The following TSPAN18 variants were observed in gnomAD, a reference collection of about 807,000 sequenced individuals.
The protein encoded by TSPAN18 is tetraspanin-18.
TSPAN18 carries 14 observed loss-of-function variants against 27.3 expected under a neutral mutation model. That is an observed-to-expected ratio of 0.51 (90% CI 0.34 to 0.80). TSPAN18 has a LOEUF of 0.80. Ranked by LOEUF, TSPAN18 falls within the 30% of genes least tolerant of loss-of-function variation. TSPAN18 has a pLI of 0.01. For synonymous variants in TSPAN18, 143 were observed against 136.5 expected, an observed-to-expected ratio of 1.05 and a Z score of -0.33; for missense variants, 268 against 323.9, an observed-to-expected ratio of 0.83 and a Z score of 1.32.
At chr11:44,889,082 G>T (rs1373073856) in intron 3 of TSPAN18, among the ~76,000 whole-genome samples, 2 of 152,212 alleles carry the variant, frequency 1.3e-5, no homozygotes, top group Admixed American at 6.5e-5. Flanking sequence ...ATTGTAAGTT[G>T]CCTGAGGCCT....
At chr11:44,856,717 C>G (rs1484522886) in intron 2 of TSPAN18, among the ~76,000 whole-genome samples, 2 of 152,170 alleles carry the variant, frequency 1.3e-5, no homozygotes, top group Non-Finnish European at 2.9e-5. Flanking sequence ...GTTCATGTTG[C>G]TCATGGTCTC....
intron 2 of TSPAN18, among the ~76,000 whole-genome samples, chr11:44,809,372 G>A (rs1856667276): frequency 6.6e-6 from 1 of 151,914 alleles, no homozygotes; most frequent in South Asian, 2.1e-4. Context: ...GACCCGGCAT[G>A]GCACCTGGCA....
At chr11:44,822,883 A>T (rs892721806) in intron 2 of TSPAN18, among the ~76,000 whole-genome samples, 3 of 152,204 alleles carry the variant, frequency 2.0e-5, no homozygotes, top group Non-Finnish European at 2.9e-5. Flanking sequence ...AATTAAAGGG[A>T]CTGAGGGTCT....
At chr11:44,763,144 C>T (rs1008890593) in intron 1 of TSPAN18, among the ~76,000 whole-genome samples, 1 of 152,178 alleles carries the variant, frequency 6.6e-6, no homozygotes, top group African/African-American at 2.4e-5. Context: ...TCAGGTTGAT[C>T]ATCATTATCA....
intron 2 of TSPAN18, among the ~76,000 whole-genome samples, chr11:44,846,305 A>G (rs535706790): frequency 8.6e-4 from 131 of 152,310 alleles, no homozygotes; most frequent in African/African-American, 2.5e-3. Context: ...CTCACACTCC[A>G]TTCCCACCGC....
intron 3 of TSPAN18, 74 bp from the exon 4 acceptor site, chr11:44,906,333 C>T: frequency 2.9e-6 from 4 of 1,385,836 alleles, no homozygotes; most frequent in Non-Finnish European, 4.1e-6. Flanking sequence ...TGCGGGGAAC[C>T]CCTGGGGAGG....
chr11:44,891,920 G>T (rs1858863668), intron 3 of TSPAN18, among the ~76,000 whole-genome samples: 1 of 152,212 alleles, frequency 6.6e-6, no homozygotes, highest in African/African-American at 2.4e-5. Flanking sequence ...AATCAAGAGT[G>T]TTATGGTGTG....
chr11:44,879,467 G>A (rs1367904232), intron 3 of TSPAN18, among the ~76,000 whole-genome samples: 2 of 152,250 alleles, frequency 1.3e-5, no homozygotes, highest in Admixed American at 6.5e-5. Flanking sequence ...TTTTGTGTGA[G>A]AGGGGCTTAG....
chr11:44,896,757 T>C (rs1859069329), intron 3 of TSPAN18, among the ~76,000 whole-genome samples: 1 of 152,136 alleles, frequency 6.6e-6, no homozygotes, highest in African/African-American at 2.4e-5. Flanking sequence ...CCTGCTGTTA[T>C]CTGCCTCCTT....
In TSPAN18 at chr11:44,842,814, T is replaced by C. The variant is rs753630280; in HGVS notation, c.-152-17514T>C. ...CTTCAGTGTGCAGCTCAAGAATTTTTATGCACCAAGTTACCATCATCCAGA... is the reference window on the plus strand; with the variant it reads ...CTTCAGTGTGCAGCTCAAGAATTTTCATGCACCAAGTTACCATCATCCAGA... On this transcript the variant is annotated intron_variant, in intron 2 of 9. Transcript: ENST00000520358. Among the ~76,000 whole-genome samples, 3 of 152,204 alleles carry C rather than the reference T, an allele frequency of 2.0e-5. No individual in the cohort carries two copies. The South Asian group carries it at 6.2e-4, about 32-fold the overall frequency.
At chr11:44,749,266 C>T (rs998728711) in intron 1 of TSPAN18, among the ~76,000 whole-genome samples, 8 of 152,190 alleles carry the variant, frequency 5.3e-5, no homozygotes, top group African/African-American at 1.9e-4. Context: ...TCCCCATTTG[C>T]GAAATGGAGA....
intron 2 of TSPAN18, among the ~76,000 whole-genome samples, chr11:44,795,621 T>A (rs835849): frequency 0.8 from 121,820 of 151,544 alleles, 50,833 homozygotes; most frequent in Non-Finnish European, 0.93. Flanking sequence ...GTTCACACCC[T>A]CTCACTGCCA....
At chr11:44,920,938 G>A (rs1251481738) in intron 8 of TSPAN18, among the ~76,000 whole-genome samples, 1 of 152,206 alleles carries the variant, frequency 6.6e-6, no homozygotes, top group Non-Finnish European at 1.5e-5. Flanking sequence ...CCAGATGAGG[G>A]GCTAGAATGG....
chr11:44,810,654 T>G (rs1229442431), intron 2 of TSPAN18, among the ~76,000 whole-genome samples: 1 of 148,624 alleles, frequency 6.7e-6, no homozygotes, highest in African/African-American at 2.5e-5. Context: ...CAAGCTGGAG[T>G]GCTGTGACTC....
At chr11:44,894,735 C>T (rs1399105399) in intron 3 of TSPAN18, among the ~76,000 whole-genome samples, 3 of 152,224 alleles carry the variant, frequency 2.0e-5, no homozygotes, top group African/African-American at 4.8e-5. Flanking sequence ...TGGGCCATCC[C>T]CAAGGGCCTC....
rs912377374 is a variant in TSPAN18 at position 44,862,410 on chromosome 11, C to T, written c.-11+1941C>T. 2.6e-5 allele frequency among the ~76,000 whole-genome samples: 4 copies of T among 152,258 alleles called. 1 individual carries two copies. Among genetic ancestry groups the T allele is most frequent in the African/African-American group, 9.6e-5 (4 of 41,470 alleles). On this transcript the variant is annotated intron_variant, in intron 3 of 9. Coordinates refer to ENST00000520358, the MANE Select transcript of TSPAN18 (RefSeq NM_130783.5). ...AAACCTCCTGGCCCTCCCCCAGTCTCTCTCGCTCTGTGTCTCGCCTGTGGG... is the reference window on the plus strand; with the variant it reads ...AAACCTCCTGGCCCTCCCCCAGTCTTTCTCGCTCTGTGTCTCGCCTGTGGG...
At chr11:44,738,591 G>A (rs544828140) in intron 1 of TSPAN18, among the ~76,000 whole-genome samples, 55 of 152,262 alleles carry the variant, frequency 3.6e-4, no homozygotes, top group Non-Finnish European at 6.5e-4. Flanking sequence ...TTCTTCTGAC[G>A]TCTCTCTCCT....
At chr11:44,857,640 C>T (rs1857771516) in intron 2 of TSPAN18, among the ~76,000 whole-genome samples, 1 of 152,160 alleles carries the variant, frequency 6.6e-6, no homozygotes, top group African/African-American at 2.4e-5. Context: ...GTGGGCCAGG[C>T]CTGGCTCACA....
At chr11:44,817,887 C>A (rs1856845895) in intron 2 of TSPAN18, among the ~76,000 whole-genome samples, 1 of 152,216 alleles carries the variant, frequency 6.6e-6, no homozygotes, top group Non-Finnish European at 1.5e-5. Context: ...GTGGTCCAGG[C>A]ACTTCTGCCA....
Sources: gnomAD v4.1 joint callset for allele counts (sites outside exome capture counted in the v4.1 genomes callset) on GRCh38, gnomAD v4.1.1 for gene constraint, MANE v1.5 for transcripts, NCBI Gene and HGNC (gene_info 2026-07-23, HGNC 2026-07-21) for gene names.